The following FLNB variants were observed in gnomAD, a reference collection of about 807,000 sequenced individuals.
FLNB encodes filamin-B.
In FLNB, 111 loss-of-function variants were observed where a neutral mutation model predicts 250.6. The observed-to-expected ratio is 0.44, with a 90% CI of 0.38 to 0.52. The LOEUF is 0.52. Among genes scored for constraint, FLNB ranks in the 20% least tolerant of loss-of-function variants. The pLI is 0.00. For missense variants in FLNB, 2,869 were observed against 3,447.8 expected, an observed-to-expected ratio of 0.83 and a Z score of 4.20; for synonymous variants, 1,302 against 1,372.1, an observed-to-expected ratio of 0.95 and a Z score of 1.13.
In FLNB at chr3:58,161,879, G is replaced by T. The variant is rs111855580; in HGVS notation, c.7022-1275G>T. Among the ~76,000 whole-genome samples, 954 of 152,234 alleles carry T rather than the reference G, an allele frequency of 6.3e-3. 6 individuals are homozygous for T. Among genetic ancestry groups the T allele is most frequent in the African/African-American group, 0.022 (904 of 41,534 alleles). Reference sequence around the variant, plus strand: ...CACCCTCTCAGGATTCTTAGAAGTCGAGAGCCTCCTTTCCCAGAAGTCTCC... The same window carrying T: ...CACCCTCTCAGGATTCTTAGAAGTCTAGAGCCTCCTTTCCCAGAAGTCTCC... On this transcript the variant is annotated intron_variant, in intron 42 of 45. Coordinates refer to ENST00000295956, the MANE Select transcript of FLNB (RefSeq NM_001457.4).
Position 58,123,653 on chromosome 3 carries a change from C to T in FLNB, c.3687C>T (p.Ser1229=), listed in dbSNP as rs755198133. 1 of 1,605,270 alleles carries T rather than the reference C, an allele frequency of 6.2e-7. No homozygotes were observed. Among genetic ancestry groups the T allele is most frequent in the South Asian group, 1.1e-5 (1 of 90,842 alleles). Residue 1229 remains serine (S), a synonymous_variant, in exon 21 of 46, where the codon AGC becomes AGT. Transcript: ENST00000295956. ...RVKVEPAVDT[S]RIKVFGPGIE... The stretch of plus-strand genomic sequence containing the variant: ...AGGTGGAGCCCGCCGTGGACACCAG[C>T]AGGATCAAAGTCTTTGGACCAGGAA...
intron 22 of FLNB, among the ~76,000 whole-genome samples, chr3:58,125,227 G>T (rs1433540883): frequency 6.6e-6 from 1 of 152,076 alleles, no homozygotes; most frequent in Non-Finnish European, 1.5e-5. Context: ...CAACCTCCTG[G>T]GCTCAAATGA....
chr3:58,134,544 A>G, intron 26 of FLNB, 72 bp from the exon 27 acceptor site: 4 of 1,568,228 alleles, frequency 2.6e-6, no homozygotes, highest in Non-Finnish European at 3.5e-6. Flanking sequence ...TCTTATGTGT[A>G]AGAAAAGTCA....
intron 23 of FLNB, 67 bp from the exon 24 acceptor site, chr3:58,126,535 T>G: frequency 6.6e-7 from 1 of 1,511,108 alleles, no homozygotes; most frequent in Non-Finnish European, 9.2e-7. Context: ...TTTGCATGAA[T>G]TTTGGCAATA....
intron 1 of FLNB, among the ~76,000 whole-genome samples, chr3:58,029,272 C>G (rs1011962106): frequency 6.6e-6 from 1 of 152,104 alleles, no homozygotes; most frequent in Non-Finnish European, 1.5e-5. Context: ...TCTTGCAACA[C>G]TCATATTTCC....
intron 35 of FLNB, 24 bp from the exon 36 acceptor site, chr3:58,148,625 G>C (rs2107271009): frequency 6.2e-7 from 1 of 1,600,580 alleles, no homozygotes; most frequent in Middle Eastern, 1.7e-4. Context: ...CCCCTTACAA[G>C]CCCCAATCTG....
chr3:58,077,048 A>G lies in FLNB; in HGVS notation c.295A>G (p.Ser99Gly), dbSNP rs201852092. The G allele has an allele frequency of 6.2e-5, 100 of 1,614,146 alleles. No homozygotes were observed. The highest frequency in any genetic ancestry group is 1.7e-6 in the Non-Finnish European group (2 of 1,179,978). ...CAAGCCTGTGCTTCTCTCCCCAGAT[A>G]GCAAAGCCATTGTGGATGGGAACCT... is the stretch of plus-strand genomic sequence containing the variant. ...RESIKLVSIDSKAIVDGNLKL... is the reference protein window; with the variant it reads ...RESIKLVSIDGKAIVDGNLKL... Residue 99 changes from serine to glycine, a missense_variant and splice_region_variant, in exon 2 of 46, where the codon AGC becomes GGC. Transcript: ENST00000295956.
intron 1 of FLNB, among the ~76,000 whole-genome samples, chr3:58,027,821 A>AGG (rs1257026220): frequency 2.0e-5 from 3 of 152,230 alleles, no homozygotes; most frequent in African/African-American, 7.2e-5. Context: ...GTATTTGAAA[A>AGG]GGAGACTTTG....
chr3:58,109,513 T>A (rs956055509), intron 14 of FLNB, 63 bp from the exon 15 acceptor site: 2 of 1,612,680 alleles, frequency 1.2e-6, no homozygotes, highest in Non-Finnish European at 8.5e-7. Flanking sequence ...CAATGTTTTT[T>A]AATAGTATTT....
At chr3:58,013,419 C>T (rs1415208582) in intron 1 of FLNB, among the ~76,000 whole-genome samples, 4 of 152,214 alleles carry the variant, frequency 2.6e-5, no homozygotes, top group African/African-American at 7.2e-5. Flanking sequence ...CTTCCTCTCC[C>T]TTTTGTGCTA....
At chr3:58,058,628 T>C (rs1559663550) in intron 1 of FLNB, among the ~76,000 whole-genome samples, 1 of 152,182 alleles carries the variant, frequency 6.6e-6, no homozygotes, top group Non-Finnish European at 1.5e-5. Flanking sequence ...TGCAAAAGGG[T>C]GTGCTTCCCT....
chr3:58,093,633 TCACACA>T (rs3060336), intron 4 of FLNB, among the ~76,000 whole-genome samples: 1,545 of 149,564 alleles, frequency 0.01, 27 homozygotes, highest in African/African-American at 0.033. Flanking sequence ...ATACTTATGT[TCACACA>T]CACACACACA....
At chr3:58,163,482 C>A in intron 43 of FLNB, 152 bp downstream of exon 43, 4 of 754,048 alleles carry the variant, frequency 5.3e-6, no homozygotes, top group Non-Finnish European at 6.5e-6. Context: ...CTGTCCAAAG[C>A]TGTTTTGGGA....
chr3:58,029,427 G>A (rs923422734), intron 1 of FLNB, among the ~76,000 whole-genome samples: 3 of 151,762 alleles, frequency 2.0e-5, no homozygotes, highest in African/African-American at 7.3e-5. Context: ...TGATTTTTCT[G>A]TTCTGCTGGT....
chr3:58,027,262 C>T (rs889601545), intron 1 of FLNB, among the ~76,000 whole-genome samples: 1 of 151,928 alleles, frequency 6.6e-6, no homozygotes, highest in African/African-American at 2.4e-5. Context: ...AAGGGATTCT[C>T]CTGCCTCAGC....
At chr3:58,027,543 A>C (rs1052213204) in intron 1 of FLNB, among the ~76,000 whole-genome samples, 1 of 151,984 alleles carries the variant, frequency 6.6e-6, no homozygotes, top group Non-Finnish European at 1.5e-5. Flanking sequence ...CGGCCTCCCA[A>C]AGTGCTGGGA....
chr3:58,123,599 A>C lies in FLNB; in HGVS notation c.3633A>C (p.Glu1211Asp), dbSNP rs773056390. Residue 1211 changes from glutamate (E) to aspartate (D), a missense_variant, in exon 21 of 46, where the codon GAA becomes GAC. Glu to Asp is a conservative substitution (Grantham distance 45). Around this residue, in one of 5 missense-constraint regions of FLNB, gnomAD observed 1,348 missense variants for 1,466.7 expected, o/e 0.92. Coordinates refer to ENST00000295956, the MANE Select transcript of FLNB (RefSeq NM_001457.4). ...CGTTGACCATGAAGTATGGTGGCGA[A>C]CTCGTGCCACACTTCCCCGCCCGGG... ...MYTLTMKYGG[E>D]LVPHFPARVK... is the part of the protein sequence containing the mutation. 1.3e-5 allele frequency: 21 copies of C among 1,612,358 alleles called. No individual in the cohort carries two copies. The highest frequency in any genetic ancestry group is 1.8e-5 in the Non-Finnish European group (21 of 1,179,864).
intron 4 of FLNB, among the ~76,000 whole-genome samples, chr3:58,088,787 C>G (rs776766731): frequency 2.0e-5 from 3 of 152,212 alleles, no homozygotes. Context: ...CACTTACACC[C>G]GCAGAGGTGA....
chr3:58,092,795 G>GA (rs1055181003), intron 4 of FLNB, among the ~76,000 whole-genome samples: 3 of 152,004 alleles, frequency 2.0e-5, no homozygotes, highest in Non-Finnish European at 1.5e-5. Context: ...CACAGCTAAA[G>GA]AAAAAAAACT....
Sources: gnomAD v4.1 joint callset for allele counts (sites outside exome capture counted in the v4.1 genomes callset) on GRCh38, gnomAD v4.1.1 for gene constraint, gnomAD v4.1.1 regional missense constraint, MANE v1.5 for transcripts, NCBI Gene and HGNC (gene_info 2026-07-23, HGNC 2026-07-21) for gene names.